Variants in NPAS3 observed in about 807,000 individuals in gnomAD.
The protein encoded by NPAS3 is neuronal PAS domain-containing protein 3.
NPAS3 carries 14 observed loss-of-function variants against 73.1 expected under a neutral mutation model. The observed-to-expected ratio is 0.19, with a 90% CI of 0.13 to 0.30. The LOEUF is 0.30. Ranked by LOEUF, NPAS3 falls within the 10% of genes least tolerant of loss-of-function variation. NPAS3 has a pLI of 1.00. For synonymous variants in NPAS3, 620 were observed against 541.5 expected, an observed-to-expected ratio of 1.14 and a Z score of -2.01; for missense variants, 1,096 against 1,250.0, an observed-to-expected ratio of 0.88 and a Z score of 1.86.
intron 5 of NPAS3, among the ~76,000 whole-genome samples, chr14:33,640,625 C>T (rs1041482168): frequency 1.3e-5 from 2 of 152,144 alleles, no homozygotes; most frequent in African/African-American, 4.8e-5. Context: ...CAAGGGCAGA[C>T]TAACATTCAT....
chr14:33,224,167 G>A (rs949792111), intron 3 of NPAS3, among the ~76,000 whole-genome samples: 2 of 152,138 alleles, frequency 1.3e-5, no homozygotes, highest in Non-Finnish European at 2.9e-5. Context: ...GGACTTTCAA[G>A]TTTATGTGCT....
At chr14:33,588,021 G>T (rs755080229) in intron 5 of NPAS3, among the ~76,000 whole-genome samples, 5 of 152,130 alleles carry the variant, frequency 3.3e-5, no homozygotes, top group Non-Finnish European at 5.9e-5. Context: ...TGTCTTAGTC[G>T]AGTGTGTTCC....
chr14:33,488,748 G>A (rs111832576), intron 4 of NPAS3, among the ~76,000 whole-genome samples: 73 of 152,226 alleles, frequency 4.8e-4, no homozygotes, highest in African/African-American at 1.4e-3. Context: ...CTGCCGTCTC[G>A]CTGGCACAGT....
rs8019497 is a variant in NPAS3 at position 33,078,972 on chromosome 14, A to G, written c.140+22978A>G. Among the ~76,000 whole-genome samples, 650 of 152,340 alleles carry G rather than the reference A, an allele frequency of 4.3e-3. 2 individuals carry two copies. Among genetic ancestry groups the G allele is most frequent in the Middle Eastern group, 0.041 (12 of 294 alleles). On this transcript the variant is annotated intron_variant, in intron 2 of 11. Transcript: ENST00000356141. ...TAATATTTTCAGTGAATTATATGAC[A>G]TATCTGGAATTACATTCCCCAAAGT...
chr14:32,948,387 A>G (rs552680894), intron 1 of NPAS3, among the ~76,000 whole-genome samples: 13 of 152,310 alleles, frequency 8.5e-5, no homozygotes, highest in African/African-American at 2.9e-4. Flanking sequence ...TTTACAGTTT[A>G]TATTCAAAAC....
intron 2 of NPAS3, among the ~76,000 whole-genome samples, chr14:33,171,566 T>C (rs539914513): frequency 4.6e-5 from 7 of 152,364 alleles, no homozygotes; most frequent in African/African-American, 1.7e-4. Flanking sequence ...TCAGCCTTCA[T>C]AGAACTGAAC....
At chr14:33,244,342 A>G (rs2048308528) in intron 3 of NPAS3, among the ~76,000 whole-genome samples, 1 of 152,144 alleles carries the variant, frequency 6.6e-6, no homozygotes, top group Admixed American at 6.5e-5. Flanking sequence ...ACTTAATTGA[A>G]TTGCATTTAT....
intron 4 of NPAS3, among the ~76,000 whole-genome samples, chr14:33,506,169 G>A (rs1055294782): frequency 6.6e-5 from 10 of 151,798 alleles, no homozygotes; most frequent in South Asian, 2.1e-4. Flanking sequence ...TTACTTGTTC[G>A]TCATCTGTCT....
At chr14:33,631,441 C>A (rs964963530) in intron 5 of NPAS3, among the ~76,000 whole-genome samples, 1 of 152,196 alleles carries the variant, frequency 6.6e-6, no homozygotes, top group African/African-American at 2.4e-5. Flanking sequence ...GCCTTCAAAA[C>A]CCCATAGGTC....
intron 5 of NPAS3, among the ~76,000 whole-genome samples, chr14:33,657,643 C>G (rs551341352): frequency 6.6e-6 from 1 of 152,314 alleles, no homozygotes; most frequent in East Asian, 1.9e-4. Flanking sequence ...GTCAGGCTCT[C>G]TTTCCACTTT....
intron 4 of NPAS3, among the ~76,000 whole-genome samples, chr14:33,447,725 G>A (rs181755832): frequency 6.6e-6 from 1 of 152,092 alleles, no homozygotes; most frequent in African/African-American, 2.4e-5. Flanking sequence ...GCCAGCCTGG[G>A]CAACACAGTG....
intron 4 of NPAS3, among the ~76,000 whole-genome samples, chr14:33,506,151 A>G (rs2052751580): frequency 6.6e-6 from 1 of 152,012 alleles, no homozygotes; most frequent in Non-Finnish European, 1.5e-5. Flanking sequence ...AAAATACTAT[A>G]CATTTATTTA....
chr14:33,000,756 G>T (rs2038777346), intron 1 of NPAS3, among the ~76,000 whole-genome samples: 1 of 152,192 alleles, frequency 6.6e-6, no homozygotes, highest in Non-Finnish European at 1.5e-5. Context: ...AAGTGCTATG[G>T]AGTTGGGAAA....
At chr14:33,402,636 C>G (rs1349886947) in intron 4 of NPAS3, among the ~76,000 whole-genome samples, 5 of 152,146 alleles carry the variant, frequency 3.3e-5, no homozygotes, top group African/African-American at 1.2e-4. Flanking sequence ...TAAATGGTCT[C>G]TGCTGTGGGG....
chr14:33,669,865 T>C (rs1026687242), intron 5 of NPAS3, among the ~76,000 whole-genome samples: 18 of 152,248 alleles, frequency 1.2e-4, no homozygotes, highest in Admixed American at 4.6e-4. Flanking sequence ...GAACTGGTTA[T>C]GCAGTATCTC....
intron 6 of NPAS3, among the ~76,000 whole-genome samples, chr14:33,722,293 A>G (rs747881882): frequency 1.3e-5 from 2 of 152,094 alleles, no homozygotes; most frequent in Non-Finnish European, 2.9e-5. Flanking sequence ...GTTTGAGAAA[A>G]CGCTGCTTCA....
chr14:33,350,036 C>T (rs2044958895), intron 3 of NPAS3, among the ~76,000 whole-genome samples: 1 of 152,230 alleles, frequency 6.6e-6, no homozygotes, highest in Non-Finnish European at 1.5e-5. Context: ...CAGCCCTCCA[C>T]TGCTTTTATT....
chr14:33,564,539 G>A (rs1008733949), intron 5 of NPAS3, among the ~76,000 whole-genome samples: 3 of 152,184 alleles, frequency 2.0e-5, no homozygotes, highest in Non-Finnish European at 2.9e-5. Context: ...TTCTGTTCCC[G>A]CATCCAGGCC....
At chr14:33,552,513 G>C (rs962928250) in intron 4 of NPAS3, among the ~76,000 whole-genome samples, 1 of 151,978 alleles carries the variant, frequency 6.6e-6, no homozygotes, top group South Asian at 2.1e-4. Context: ...TATGATGTCC[G>C]ATAACAATAA....
Sources: allele counts gnomAD v4.1 joint callset (sites outside exome capture counted in the v4.1 genomes callset), GRCh38; gene constraint gnomAD v4.1.1; transcripts MANE v1.5; gene names NCBI Gene and HGNC (gene_info 2026-07-23, HGNC 2026-07-21).